Variants in ABHD12 observed in about 807,000 individuals in gnomAD.
ABHD12 encodes the protein abhydrolase domain containing 12, lysophospholipase, also known as lysophosphatidylserine lipase ABHD12.
Under a neutral mutation model 58.3 loss-of-function variants are expected in ABHD12, and 43 were observed. The ratio of observed to expected loss-of-function variants is 0.74; its 90% CI spans 0.58 to 0.95. The LOEUF (loss-of-function observed/expected upper bound fraction) is 0.95, where lower values mean the gene tolerates loss of function less well. Ranked by LOEUF, ABHD12 falls within the 40% of genes least tolerant of loss-of-function variation. The pLI, the probability that ABHD12 is intolerant of heterozygous loss-of-function variation, is 0.00. For synonymous variants in ABHD12, 219 were observed against 211.2 expected (o/e 1.04, Z -0.32); for missense variants, 539 against 537.2 (o/e 1.00, Z -0.03).
intron 1 of ABHD12, 37 bp downstream of exon 1, chr20:25,390,476 G>GGGGGGGGGGC: frequency 2.9e-6 from 3 of 1,031,724 alleles, no homozygotes; most frequent in Non-Finnish European, 3.7e-6. Flanking sequence ...GTGAGGGACC[G>GGGGGGGGGGC]GCCCCCCCCC....
intron 1 of ABHD12, among the ~76,000 whole-genome samples, chr20:25,366,051 ATTG>A (rs1192671988): frequency 5.3e-5 from 8 of 152,136 alleles, no homozygotes; most frequent in Non-Finnish European, 8.8e-5. Context: ...TCAAATAAAT[ATTG>A]TTAATTCTTT....
intron 4 of ABHD12, among the ~76,000 whole-genome samples, chr20:25,318,912 G>C (rs546295014): frequency 1.5e-3 from 226 of 152,290 alleles, no homozygotes; most frequent in Non-Finnish European, 2.5e-3. Flanking sequence ...GGGCCATGCC[G>C]CCAGGCTCTT....
chr20:25,383,975 GA>G (rs1245206824), intron 1 of ABHD12, among the ~76,000 whole-genome samples: 3 of 82,146 alleles, frequency 3.7e-5, no homozygotes, highest in African/African-American at 9.1e-5. Flanking sequence ...AAAAAAAAAA[GA>G]AAAAAAAGAA....
chr20:25,370,549 T>C (rs916614643), intron 1 of ABHD12, among the ~76,000 whole-genome samples: 5 of 152,148 alleles, frequency 3.3e-5, no homozygotes, highest in African/African-American at 1.2e-4. Flanking sequence ...TAATTTCCCC[T>C]TGTAATAGTC....
intron 4 of ABHD12, among the ~76,000 whole-genome samples, 200 bp from the exon 5 acceptor site, chr20:25,317,278 T>C (rs997721493): frequency 6.6e-6 from 1 of 151,978 alleles, no homozygotes; most frequent in East Asian, 1.9e-4. Flanking sequence ...TTGGGGGAGA[T>C]TTCTTAATGA....
intron 1 of ABHD12, among the ~76,000 whole-genome samples, chr20:25,377,295 T>C (rs2146122582): frequency 6.6e-6 from 1 of 152,352 alleles, no homozygotes; most frequent in Middle Eastern, 3.4e-3. Flanking sequence ...ATGGCTCTAT[T>C]GGCCAGCAAT....
At position 25,320,336 on chromosome 20, in the gene ABHD12, G is replaced by C. The variant is rs982413844; in HGVS notation, c.423-18C>G. ...CGGTGTGCCTGCAGACAGAAGCAGA[G>C]GGGAGCGCAGGATCAGATGTCCCTT... On this transcript the variant is annotated intron_variant, in intron 3 of 12. Transcript: ENST00000339157. 1.2e-6 allele frequency: 2 copies of C among 1,612,314 alleles called. No individual in the cohort carries two copies. Among genetic ancestry groups the C allele is most frequent in the African/African-American group, 1.3e-5 (1 of 74,944 alleles).
At chr20:25,304,796 T>C (rs1488157335) in intron 10 of ABHD12, among the ~76,000 whole-genome samples, 1 of 152,148 alleles carries the variant, frequency 6.6e-6, no homozygotes, top group African/African-American at 2.4e-5. Flanking sequence ...CTCAAACTCC[T>C]GACCTCGTGA....
At chr20:25,316,452 C>G (rs1438932544) in intron 5 of ABHD12, among the ~76,000 whole-genome samples, 1 of 152,224 alleles carries the variant, frequency 6.6e-6, no homozygotes. Flanking sequence ...AGCCACCACA[C>G]CCAGCCGTCT....
rs186718449 is a variant in ABHD12, at chr20:25,385,538, C to T, written c.191+4975G>A. Among the ~76,000 whole-genome samples the T allele has an allele frequency of 3.9e-3, 588 of 152,046 alleles. 2 individuals carry two copies. The highest frequency in any genetic ancestry group is 5.3e-3 in the Non-Finnish European group (358 of 68,006). On this transcript the variant is annotated intron_variant, in intron 1 of 12. Transcript: ENST00000339157. ...ACGTAGAAGACACTGTAGTAGTTAC[C>T]GAAGTGCTATATTCTGAAACAGCAC...
chr20:25,324,957 A>G (rs1600800373), intron 2 of ABHD12, among the ~76,000 whole-genome samples: 1 of 152,042 alleles, frequency 6.6e-6, no homozygotes, highest in East Asian at 1.9e-4. Context: ...TCACCATCTG[A>G]TGGCTCCTAT....
At chr20:25,388,787 CTTTT>C (rs780031801) in intron 1 of ABHD12, among the ~76,000 whole-genome samples, 22 of 122,078 alleles carry the variant, frequency 1.8e-4, no homozygotes, top group African/African-American at 4.8e-4. Flanking sequence ...TTGATTTTTT[CTTTT>C]TTTTTTTTTT....
chr20:25,303,316 CA>C, intron 11 of ABHD12: 1 of 1,415,104 alleles, frequency 7.1e-7, no homozygotes, highest in Non-Finnish European at 9.3e-7. Flanking sequence ...TTGGAGACAG[CA>C]TCAGTGGGCC....
At chr20:25,306,060 G>A (rs902671936) in intron 10 of ABHD12, among the ~76,000 whole-genome samples, 1 of 151,936 alleles carries the variant, frequency 6.6e-6, no homozygotes, top group Non-Finnish European at 1.5e-5. Flanking sequence ...CCAGGTACTC[G>A]GGAGGCTGAG....
At chr20:25,354,545 C>T (rs916413803) in intron 1 of ABHD12, among the ~76,000 whole-genome samples, 2 of 152,196 alleles carry the variant, frequency 1.3e-5, no homozygotes, top group Non-Finnish European at 2.9e-5. Flanking sequence ...AGATGAAAAG[C>T]TGAGGCTTGT....
chr20:25,337,251 G>A (rs764245239), intron 2 of ABHD12, among the ~76,000 whole-genome samples: 2 of 152,206 alleles, frequency 1.3e-5, no homozygotes, highest in East Asian at 1.9e-4. Flanking sequence ...GGGCAACAGA[G>A]CCACGCCCTG....
chr20:25,298,340 G>A (rs544592177), downstream of ABHD12, among the ~76,000 whole-genome samples: 6 of 151,884 alleles, frequency 4.0e-5, no homozygotes, highest in Admixed American at 6.6e-5. Flanking sequence ...GTCTTGGCTC[G>A]CTGCAACCTC....
intron 1 of ABHD12, among the ~76,000 whole-genome samples, chr20:25,358,254 T>C (rs139879986): frequency 2.0e-5 from 3 of 152,144 alleles, no homozygotes; most frequent in Non-Finnish European, 2.9e-5. Context: ...CAGGAAGAAC[T>C]AGGAAGAAGC....
chr20:25,328,752 A>G (rs2089217703), intron 2 of ABHD12, among the ~76,000 whole-genome samples: 1 of 152,162 alleles, frequency 6.6e-6, no homozygotes, highest in African/African-American at 2.4e-5. Flanking sequence ...ACTTTTACTC[A>G]TTTTAGAAAC....
Sources: allele counts gnomAD v4.1 joint callset (sites outside exome capture counted in the v4.1 genomes callset), GRCh38; gene constraint gnomAD v4.1.1; transcripts MANE v1.5; gene names NCBI Gene and HGNC (gene_info 2026-07-23, HGNC 2026-07-21).